Variants in ATOSA observed in about 807,000 individuals in gnomAD.
ATOSA encodes the protein atos homolog A.
the ATOSA span, among the ~76,000 whole-genome samples, chr15:52,659,776 G>T: frequency 6.6e-6 from 1 of 152,136 alleles, no homozygotes; most frequent in South Asian, 2.1e-4. Flanking sequence ...GCCCACTGAG[G>T]TGGGAGGTTT....
chr15:52,661,931 C>CAAAAAAAAAAAAAAAAAAAAA, the ATOSA span, among the ~76,000 whole-genome samples: 1 of 73,258 alleles, frequency 1.4e-5, no homozygotes, highest in Non-Finnish European at 2.3e-5. Context: ...CAAGCCAGGC[C>CAAAAAAAAAAAAAAAAAAAAA]AAAAAAAAAA....
the ATOSA span, chr15:52,587,076 T>TAGC: frequency 1.9e-6 from 3 of 1,598,480 alleles, no homozygotes; most frequent in Non-Finnish European, 8.5e-7. Context: ...GCAGCAGCAG[T>TAGC]AGCAGGAGAA....
chr15:52,651,731 T>C, the ATOSA span: 2 of 808,504 alleles, frequency 2.5e-6, no homozygotes, highest in Non-Finnish European at 3.9e-6. Flanking sequence ...CTAAGTTCAA[T>C]GGTTTTCAAA....
the ATOSA span, among the ~76,000 whole-genome samples, chr15:52,648,063 C>CTCACGTTT: frequency 6.6e-6 from 1 of 152,090 alleles, no homozygotes; most frequent in Non-Finnish European, 1.5e-5. Context: ...TCTCAAAATA[C>CTCACGTTT]TGAGAAAACT....
chr15:52,688,091 C>G, the ATOSA span, among the ~76,000 whole-genome samples: 5 of 152,140 alleles, frequency 3.3e-5, no homozygotes, highest in Non-Finnish European at 7.3e-5. Flanking sequence ...CACAGCTGAC[C>G]CGTAGATTCA....
chr15:52,665,767 G>C, the ATOSA span, among the ~76,000 whole-genome samples: 2 of 152,108 alleles, frequency 1.3e-5, no homozygotes, highest in Non-Finnish European at 2.9e-5. Flanking sequence ...CATGAAAATG[G>C]TTAGGAAGAT....
chr15:52,609,367 A>G, the ATOSA span: 1 of 1,613,936 alleles, frequency 6.2e-7, no homozygotes, highest in Non-Finnish European at 8.5e-7. Context: ...TTTAGATGCA[A>G]CCGAACTGGA....
chr15:52,673,032 T>C, the ATOSA span, among the ~76,000 whole-genome samples: 1 of 152,246 alleles, frequency 6.6e-6, no homozygotes, highest in Non-Finnish European at 1.5e-5. Flanking sequence ...AACATGCAGC[T>C]GAATTAGCCC....
chr15:52,611,059 T>C, the ATOSA span: 1 of 1,488,378 alleles, frequency 6.7e-7, no homozygotes, highest in Non-Finnish European at 9.0e-7. Context: ...ATTTAAAAGG[T>C]AAAATGCCAT....
At chr15:52,630,335 CAG>C in the ATOSA span, among the ~76,000 whole-genome samples, 18 of 152,148 alleles carry the variant, frequency 1.2e-4, no homozygotes, top group African/African-American at 4.3e-4. Context: ...AAAGGCACCA[CAG>C]AGACTGAGAA....
chr15:52,621,862 T>C, the ATOSA span, among the ~76,000 whole-genome samples: 1 of 151,960 alleles, frequency 6.6e-6, no homozygotes, highest in African/African-American at 2.4e-5. Context: ...TTCTTTTTTT[T>C]TTTTTGAGAC....
At chr15:52,667,453 T>C in the ATOSA span, among the ~76,000 whole-genome samples, 1 of 152,230 alleles carries the variant, frequency 6.6e-6, no homozygotes, top group Non-Finnish European at 1.5e-5. Flanking sequence ...ATATTAGATA[T>C]TAGTACTATG....
At chr15:52,601,694 G>C in the ATOSA span, among the ~76,000 whole-genome samples, 1 of 152,084 alleles carries the variant, frequency 6.6e-6, no homozygotes, top group African/African-American at 2.4e-5. Flanking sequence ...AACCATCACT[G>C]TATACCAGAT....
At chr15:52,695,372 G>GCTACCCAGCTGT in the ATOSA span, among the ~76,000 whole-genome samples, 1 of 152,158 alleles carries the variant, frequency 6.6e-6, no homozygotes, top group Admixed American at 6.5e-5. Context: ...TGCCCTGCAG[G>GCTACCCAGCTGT]CTACCCAGCT....
the ATOSA span, among the ~76,000 whole-genome samples, chr15:52,661,237 TA>T: frequency 6.6e-6 from 1 of 152,356 alleles, no homozygotes; most frequent in East Asian, 1.9e-4. Flanking sequence ...GACTTACTTC[TA>T]AGAGTATCTA....
chr15:52,610,490 G>A, the ATOSA span: 70 of 1,211,836 alleles, frequency 5.8e-5, no homozygotes, highest in East Asian at 1.3e-4. Context: ...TTTTGTTTGC[G>A]TTAATTACCA....
chr15:52,606,206 G>T, the ATOSA span, among the ~76,000 whole-genome samples: 1 of 151,984 alleles, frequency 6.6e-6, no homozygotes. Flanking sequence ...GATATAATTT[G>T]GTGGAACATG....
At chr15:52,627,688 T>A in the ATOSA span, among the ~76,000 whole-genome samples, 1 of 152,172 alleles carries the variant, frequency 6.6e-6, no homozygotes, top group Non-Finnish European at 1.5e-5. Context: ...ATGCATTTTT[T>A]TTTTTGCTTT....
At chr15:52,609,063 G>C in the ATOSA span, 2 of 1,613,122 alleles carry the variant, frequency 1.2e-6, no homozygotes, top group South Asian at 1.1e-5. Flanking sequence ...TATTTTCTTT[G>C]TGCTGAGACA....
Sources: allele counts gnomAD v4.1 joint callset (sites outside exome capture counted in the v4.1 genomes callset), GRCh38; gene constraint gnomAD v4.1.1; transcripts MANE v1.5; gene names NCBI Gene and HGNC (gene_info 2026-07-23, HGNC 2026-07-21).